XKR6: variants seen among roughly 807,000 people sequenced by gnomAD.
XKR6 encodes the protein XK-related protein 6.
XKR6 carries 22 observed loss-of-function variants against 56.7 expected under a neutral mutation model. The observed-to-expected ratio is 0.39, with a 90% confidence interval of 0.28 to 0.55. The LOEUF (loss-of-function observed/expected upper bound fraction) is 0.55, where lower values mean the gene tolerates loss of function less well. Ranked by LOEUF, XKR6 falls within the 20% of genes least tolerant of loss-of-function variation. The probability of loss-of-function intolerance (pLI) is 0.66; values close to 1 mark genes in which losing one functional copy is unlikely to be tolerated. For synonymous variants in XKR6, 524 were observed against 387.8 expected (o/e 1.35, Z -4.13); for missense variants, 852 against 889.0 (o/e 0.96, Z 0.53).
At chr8:11,010,751 T>C (rs1798481614) in intron 1 of XKR6, among the ~76,000 whole-genome samples, 1 of 152,116 alleles carries the variant, frequency 6.6e-6, no homozygotes, top group Non-Finnish European at 1.5e-5. Flanking sequence ...CTACCTTTTT[T>C]TCTAAAACAG....
chr8:10,926,575 G>A (rs1800892519), intron 1 of XKR6, among the ~76,000 whole-genome samples: 1 of 152,260 alleles, frequency 6.6e-6, no homozygotes, highest in Non-Finnish European at 1.5e-5. Flanking sequence ...CCCCATCAGG[G>A]AGGGATATGG....
chr8:11,087,000 C>G (rs1174574704), intron 1 of XKR6, among the ~76,000 whole-genome samples: 1 of 152,192 alleles, frequency 6.6e-6, no homozygotes, highest in South Asian at 2.1e-4. Flanking sequence ...CCATGAAACT[C>G]TGCCTTTACT....
At chr8:11,180,829 C>G (rs1041767746) in intron 1 of XKR6, among the ~76,000 whole-genome samples, 1 of 152,144 alleles carries the variant, frequency 6.6e-6, no homozygotes, top group South Asian at 2.1e-4. Context: ...AGCACACCAG[C>G]CCAGGAGTTC....
intron 1 of XKR6, among the ~76,000 whole-genome samples, chr8:11,097,572 C>G (rs2129174848): frequency 6.6e-6 from 1 of 151,512 alleles, no homozygotes; most frequent in East Asian, 1.9e-4. Context: ...CTTTGGGAGG[C>G]CGGGGTGGGC....
Position 10,949,755 on chromosome 8 carries a change from C to T in XKR6, c.765-24925G>A, listed in dbSNP as rs576889561. Reference sequence around the variant, plus strand: ...CAGACTATGCTGTGCCCAAAGCATGCGGAGCTCTGCGGGCAGAGGAGGGAA... The same window carrying T: ...CAGACTATGCTGTGCCCAAAGCATGTGGAGCTCTGCGGGCAGAGGAGGGAA... On this transcript the variant is annotated intron_variant, in intron 1 of 2. Transcript: ENST00000416569. 4.6e-5 allele frequency among the ~76,000 whole-genome samples: 7 copies of T among 152,252 alleles called. No individual in the cohort carries two copies. In the East Asian group the frequency reaches 7.7e-4, roughly 17 times the overall value.
rs557883251 is a variant in XKR6 at position 10,992,013 on chromosome 8, T to C, written c.765-67183A>G. Among the ~76,000 whole-genome samples, 89 of 152,286 alleles carry C rather than the reference T, an allele frequency of 5.8e-4. No homozygotes were observed. In the Middle Eastern group the frequency reaches 0.01, roughly 17 times the overall value. On this transcript the variant is annotated intron_variant, in intron 1 of 2. Transcript: ENST00000416569. ...TACAGGTGGCCAACAACAGATGTCATGAGACAGCCATGTGATAGTACAGCA... is the reference window on the plus strand; with the variant it reads ...TACAGGTGGCCAACAACAGATGTCACGAGACAGCCATGTGATAGTACAGCA...
intron 1 of XKR6, among the ~76,000 whole-genome samples, chr8:11,086,865 A>G (rs770119244): frequency 2.6e-5 from 4 of 152,176 alleles, no homozygotes; most frequent in Non-Finnish European, 4.4e-5. Flanking sequence ...TAACACTAGA[A>G]ATATTCGAAA....
chr8:10,995,403 A>G (rs957191940), intron 1 of XKR6, among the ~76,000 whole-genome samples: 4 of 147,958 alleles, frequency 2.7e-5, no homozygotes, highest in African/African-American at 9.9e-5. Context: ...TAGTAGATAT[A>G]TATATCTACT....
At chr8:11,172,790 G>C (rs759373812) in intron 1 of XKR6, among the ~76,000 whole-genome samples, 1 of 151,980 alleles carries the variant, frequency 6.6e-6, no homozygotes, top group Non-Finnish European at 1.5e-5. Flanking sequence ...AGGAGCAAAG[G>C]CCAGAAAGCA....
At chr8:10,951,040 G>A (rs368263830) in intron 1 of XKR6, among the ~76,000 whole-genome samples, 1 of 152,148 alleles carries the variant, frequency 6.6e-6, no homozygotes, top group African/African-American at 2.4e-5. Context: ...ACATCTTCCT[G>A]TGCTTTCCAA....
chr8:11,082,008 G>A (rs73543399), intron 1 of XKR6, among the ~76,000 whole-genome samples: 1 of 152,350 alleles, frequency 6.6e-6, no homozygotes, highest in African/African-American at 2.4e-5. Flanking sequence ...AGACCTGGAA[G>A]GAAGTGCATG....
intron 1 of XKR6, among the ~76,000 whole-genome samples, chr8:10,940,586 C>T (rs930270878): frequency 3.9e-5 from 6 of 152,330 alleles, no homozygotes; most frequent in Middle Eastern, 3.4e-3. Context: ...CACCTGCAGA[C>T]GGCTGGTCCG....
intron 1 of XKR6, among the ~76,000 whole-genome samples, chr8:11,173,411 A>C (rs1459185335): frequency 6.6e-6 from 1 of 150,572 alleles, no homozygotes; most frequent in African/African-American, 2.4e-5. Flanking sequence ...ATATATATAC[A>C]TATACATATA....
rs950617252 is a variant in XKR6 at position 11,059,323 on chromosome 8, G to A, written c.765-134493C>T. ...ATGAATGAAGGAACGAATGACGGAA[G>A]TAAAAGGTATGAGCGCCCCGGAGAC... On this transcript the variant is annotated intron_variant, in intron 1 of 2. Coordinates refer to ENST00000416569, the MANE Select transcript of XKR6 (RefSeq NM_173683.4). Among the ~76,000 whole-genome samples, 88 of 152,368 alleles carry A rather than the reference G, an allele frequency of 5.8e-4. 1 individual carries two copies. Among genetic ancestry groups the A allele is most frequent in the African/African-American group, 2.0e-3 (82 of 41,598 alleles).
intron 1 of XKR6, among the ~76,000 whole-genome samples, chr8:11,181,062 G>C (rs1435522268): frequency 6.6e-6 from 1 of 152,060 alleles, no homozygotes; most frequent in African/African-American, 2.4e-5. Flanking sequence ...TGAATGAAGA[G>C]GAACCAAAAA....
At chr8:11,115,737 G>C (rs778827564) in intron 1 of XKR6, among the ~76,000 whole-genome samples, 16 of 152,188 alleles carry the variant, frequency 1.1e-4, no homozygotes, top group Non-Finnish European at 1.8e-4. Flanking sequence ...CGCTAAGCTT[G>C]TGGGAGTTAT....
rs946153919 is a variant in XKR6 at position 11,200,306 on chromosome 8, C to T, written c.764+270G>A. On this transcript the variant is annotated intron_variant, in intron 1 of 2. Coordinates refer to ENST00000416569, the MANE Select transcript of XKR6 (RefSeq NM_173683.4). The surrounding 1 kb of genome is among the most constrained non-coding windows in gnomAD (Gnocchi z 6.4). ...TGGGAACGGAGCTCTGCAGAGGGGA[C>T]GGGGAGGGCAGGTTGGGGCAAGAGC... Among the ~76,000 whole-genome samples, 1 of 152,130 alleles carries T rather than the reference C, an allele frequency of 6.6e-6. No individual in the cohort carries two copies. Among genetic ancestry groups the T allele is most frequent in the Non-Finnish European group, 1.5e-5 (1 of 68,006 alleles).
intron 1 of XKR6, among the ~76,000 whole-genome samples, chr8:10,927,102 T>A (rs1278231749): frequency 6.6e-6 from 1 of 152,026 alleles, no homozygotes; most frequent in Non-Finnish European, 1.5e-5. Flanking sequence ...GCAGCGAGGT[T>A]CCTGGAAGCA....
intron 1 of XKR6, among the ~76,000 whole-genome samples, chr8:11,018,360 A>C (rs1798673871): frequency 6.6e-6 from 1 of 152,202 alleles, no homozygotes; most frequent in Admixed American, 6.5e-5. Flanking sequence ...TCACCTGCAG[A>C]GATATTTGAC....
Sources: gnomAD v4.1 joint callset for allele counts (sites outside exome capture counted in the v4.1 genomes callset) on GRCh38, gnomAD v4.1.1 for gene constraint, Gnocchi (gnomAD v3.1) non-coding constraint, MANE v1.5 for transcripts, NCBI Gene and HGNC (gene_info 2026-07-23, HGNC 2026-07-21) for gene names.